The following KCNN2 variants were observed in gnomAD, a reference collection of about 807,000 sequenced individuals.
KCNN2 encodes the protein potassium calcium-activated channel subfamily N member 2, also known as small conductance calcium-activated potassium channel protein 2.
A neutral mutation model predicts 55.5 loss-of-function variants in KCNN2; 24 were observed. The observed-to-expected ratio is 0.43, with a 90% confidence interval of 0.31 to 0.61. The LOEUF (loss-of-function observed/expected upper bound fraction) is 0.61. Ranked by LOEUF, KCNN2 falls within the 20% of genes least tolerant of loss-of-function variation. KCNN2 has a pLI of 0.08. For synonymous variants in KCNN2, 431 were observed against 336.1 expected (o/e 1.28, Z -3.09); for missense variants, 754 against 853.6 (o/e 0.88, Z 1.45).
chr5:114,241,146 A>G (rs34087644), intron 2 of KCNN2, among the ~76,000 whole-genome samples: 2 of 152,016 alleles, frequency 1.3e-5, no homozygotes, highest in African/African-American at 4.8e-5. Flanking sequence ...ATGAAATATA[A>G]CAAACATATT....
At chr5:114,440,403 C>G (rs943038958) in intron 3 of KCNN2, among the ~76,000 whole-genome samples, 1 of 152,116 alleles carries the variant, frequency 6.6e-6, no homozygotes, top group African/African-American at 2.4e-5. Flanking sequence ...CAGGTCCTCA[C>G]TAAAATAACT....
chr5:114,252,933 C>T (rs1004862345), intron 2 of KCNN2, among the ~76,000 whole-genome samples: 6 of 152,136 alleles, frequency 3.9e-5, no homozygotes, highest in African/African-American at 1.2e-4. Context: ...TTTCAACAAG[C>T]AGCTTTGCTG....
At chr5:114,358,856 C>T (rs879282601), upstream of KCNN2, among the ~76,000 whole-genome samples, 2 of 152,062 alleles carry the variant, frequency 1.3e-5, no homozygotes, top group African/African-American at 4.8e-5. Context: ...TTTTAAATGT[C>T]TACATATAAA....
At chr5:114,133,212 T>G (rs1752105775) in intron 1 of KCNN2, among the ~76,000 whole-genome samples, 1 of 152,190 alleles carries the variant, frequency 6.6e-6, no homozygotes, top group Non-Finnish European at 1.5e-5. Flanking sequence ...GATTTTTTTT[T>G]TGTGGGTTCC....
intron 2 of KCNN2, among the ~76,000 whole-genome samples, chr5:114,264,620 T>C (rs1018920708): frequency 6.6e-6 from 1 of 152,174 alleles, no homozygotes; most frequent in Middle Eastern, 3.4e-3. Flanking sequence ...TGCCTCTAGG[T>C]GGTGATTTTA....
chr5:114,389,417 C>G (rs1032604144), intron 2 of KCNN2, among the ~76,000 whole-genome samples: 1 of 152,124 alleles, frequency 6.6e-6, no homozygotes, highest in Non-Finnish European at 1.5e-5. Flanking sequence ...CATATGCTAG[C>G]CCTGTATCAT....
rs540766801 is a variant in KCNN2, at chr5:114,443,258, C to G, written c.1638-19791C>G. ...GTGAGCCGAGATCATGCCACTGACT[C>G]CAGCCTGGCGACAGAGAGAGACTCC... is the stretch of plus-strand genomic sequence containing the variant. On this transcript the variant is annotated intron_variant, in intron 3 of 7. Coordinates refer to ENST00000673685, the MANE Select transcript of KCNN2 (RefSeq NM_021614.4). Among the ~76,000 whole-genome samples the G allele has an allele frequency of 3.3e-5, 5 of 151,590 alleles. No individual in the cohort carries two copies. In the East Asian group the frequency reaches 9.7e-4, roughly 29 times the overall value.
intron 2 of KCNN2, among the ~76,000 whole-genome samples, chr5:114,288,619 A>G (rs1755812664): frequency 6.6e-6 from 1 of 151,992 alleles, no homozygotes; most frequent in South Asian, 2.1e-4. Flanking sequence ...TCTAGTGACT[A>G]ATAATATTAT....
At chr5:114,235,704 A>T (rs946644069) in intron 2 of KCNN2, among the ~76,000 whole-genome samples, 3 of 152,202 alleles carry the variant, frequency 2.0e-5, no homozygotes, top group Non-Finnish European at 4.4e-5. Context: ...CTAGTACACA[A>T]TGTAGCTTGC....
chr5:114,142,994 C>G (rs767204275), intron 1 of KCNN2, among the ~76,000 whole-genome samples: 6 of 152,132 alleles, frequency 3.9e-5, no homozygotes, highest in Non-Finnish European at 7.3e-5. Context: ...TGCAACGGGG[C>G]TCTTTCCTTT....
chr5:114,472,517 TC>T (rs1258650739), intron 4 of KCNN2, among the ~76,000 whole-genome samples: 2 of 150,632 alleles, frequency 1.3e-5, no homozygotes, highest in Non-Finnish European at 2.9e-5. Flanking sequence ...ACTGTGATCT[TC>T]CTGTTACGCT....
chr5:114,208,035 G>C (rs1753809859), intron 1 of KCNN2, among the ~76,000 whole-genome samples: 1 of 152,166 alleles, frequency 6.6e-6, no homozygotes, highest in Admixed American at 6.5e-5. Context: ...CTGGGTTCTA[G>C]GCATTTTTAT....
At chr5:114,259,629 A>T (rs1039602817) in intron 2 of KCNN2, among the ~76,000 whole-genome samples, 3 of 152,282 alleles carry the variant, frequency 2.0e-5, no homozygotes, top group Admixed American at 6.5e-5. Flanking sequence ...TAATAATAAA[A>T]AAAAAAGTCC....
chr5:114,148,695 G>C (rs1256425290), intron 1 of KCNN2, among the ~76,000 whole-genome samples: 2 of 152,070 alleles, frequency 1.3e-5, no homozygotes, highest in Non-Finnish European at 2.9e-5. Context: ...TCTGGCAGAG[G>C]GGGCAATGGC....
At chr5:114,180,494 A>G (rs1047776647) in intron 1 of KCNN2, among the ~76,000 whole-genome samples, 1 of 152,134 alleles carries the variant, frequency 6.6e-6, no homozygotes, top group Non-Finnish European at 1.5e-5. Flanking sequence ...TGTTATTTTA[A>G]TAATACTTTT....
intron 2 of KCNN2, among the ~76,000 whole-genome samples, chr5:114,302,689 C>A (rs188982774): frequency 6.6e-6 from 1 of 152,096 alleles, no homozygotes; most frequent in Non-Finnish European, 1.5e-5. Context: ...AGTTCTGAGG[C>A]AGTTAGAAGT....
At chr5:114,119,684 G>A (rs78885402) in intron 1 of KCNN2, among the ~76,000 whole-genome samples, 2 of 152,174 alleles carry the variant, frequency 1.3e-5, no homozygotes, top group Middle Eastern at 3.4e-3. Context: ...TAAGATCCAC[G>A]TGTTCTAAGA....
chr5:114,246,825 TTTG>T (rs1561539256), intron 2 of KCNN2, among the ~76,000 whole-genome samples: 1 of 152,226 alleles, frequency 6.6e-6, no homozygotes, highest in East Asian at 1.9e-4. Context: ...TCTTATTCCA[TTTG>T]TTAATAATGC....
At chr5:114,277,245 C>G (rs1366168261) in intron 2 of KCNN2, among the ~76,000 whole-genome samples, 3 of 152,212 alleles carry the variant, frequency 2.0e-5, no homozygotes, top group Middle Eastern at 3.4e-3. Flanking sequence ...GGTAACCCAG[C>G]CTTTCTCTCT....
Sources: gnomAD v4.1 joint callset for allele counts (sites outside exome capture counted in the v4.1 genomes callset) on GRCh38, gnomAD v4.1.1 for gene constraint, MANE v1.5 for transcripts, NCBI Gene and HGNC (gene_info 2026-07-23, HGNC 2026-07-21) for gene names.